Variants in OPA1 observed in about 807,000 individuals in gnomAD.
OPA1 encodes dynamin-like GTPase OPA1, mitochondrial.
In OPA1, 59 loss-of-function variants were observed where a neutral mutation model predicts 152.9. The ratio of observed to expected loss-of-function variants is 0.39; its 90% CI spans 0.31 to 0.48. OPA1 has a LOEUF of 0.48. Ranked by LOEUF, OPA1 falls within the 20% of genes least tolerant of loss-of-function variation. The pLI is 0.96. For synonymous variants in OPA1, 400 were observed against 389.9 expected, an observed-to-expected ratio of 1.03 and a Z score of -0.31; for missense variants, 1,008 against 1,216.8, an observed-to-expected ratio of 0.83 and a Z score of 2.55.
intron 29 of OPA1, among the ~76,000 whole-genome samples, chr3:193,674,839 C>T (rs896779941): frequency 1.3e-5 from 2 of 150,772 alleles, no homozygotes; most frequent in African/African-American, 2.5e-5. Context: ...TTATTGTACT[C>T]GGAATTTGGA....
chr3:193,604,870 A>C (rs1284127027), intron 1 of OPA1, among the ~76,000 whole-genome samples: 1 of 100,778 alleles, frequency 9.9e-6, no homozygotes, highest in Non-Finnish European at 2.0e-5. Context: ...CAAAAAAAAA[A>C]AAAAAGAAAA....
rs1719545164 is a variant in OPA1 at position 193,678,430 on chromosome 3, A to T, written c.2983+11150A>T. ...ATAATTGCCACCACCCAGAGATTGCACTGTAGTTTAAGACACTTTTGAATG... is the reference window on the plus strand; with the variant it reads ...ATAATTGCCACCACCCAGAGATTGCTCTGTAGTTTAAGACACTTTTGAATG... On this transcript the variant is annotated intron_variant, in intron 29 of 30. Transcript: ENST00000361510. Among the ~76,000 whole-genome samples the T allele has an allele frequency of 2.0e-5, 3 of 152,134 alleles. 1 individual carries two copies. The highest frequency in any genetic ancestry group is 2.9e-5 in the Non-Finnish European group (2 of 68,014).
chr3:193,622,226 C>CTTTTTTTTTTTTT (rs758993120), intron 6 of OPA1, among the ~76,000 whole-genome samples: 6 of 107,916 alleles, frequency 5.6e-5, no homozygotes, highest in Non-Finnish European at 8.7e-5. Context: ...TACTCTCATT[C>CTTTTTTTTTTTTT]TTTTTTTTTT....
intron 21 of OPA1, among the ~76,000 whole-genome samples, chr3:193,653,825 A>T (rs1713113899): frequency 6.6e-6 from 1 of 152,176 alleles, no homozygotes; most frequent in Admixed American, 6.5e-5. Context: ...ATTATTAGTC[A>T]TTAGAGAAAT....
rs908121324 is a variant in OPA1 at position 193,593,434 on chromosome 3, C to G, written c.32+25C>G. The G allele has an allele frequency of 2.6e-6, 4 of 1,517,256 alleles. No homozygotes were observed. The African/African-American group carries it at 4.2e-5, about 16-fold the overall frequency. 94.0% of individuals were successfully genotyped at this position (1,517,256 alleles called of 1,614,324 possible). On this transcript the variant is annotated intron_variant, in intron 1 of 30. Transcript: ENST00000361510. ...GGTAAGTGCAGGCTCTAATCTGGCC[C>G]CGTTAATTCTGGGGCCTCTTGAGAG... is the stretch of plus-strand genomic sequence containing the variant.
chr3:193,621,962 A>G (rs1031756825), intron 6 of OPA1, among the ~76,000 whole-genome samples: 2 of 152,154 alleles, frequency 1.3e-5, no homozygotes, highest in Non-Finnish European at 2.9e-5. Flanking sequence ...CTGTAAGATT[A>G]TTGTGTTCCA....
rs144709060 is a variant in OPA1 at position 193,630,976 on chromosome 3, A to G, written c.790-636A>G. 5.3e-3 allele frequency among the ~76,000 whole-genome samples: 809 copies of G among 152,246 alleles called. 21 individuals are homozygous for G. Among genetic ancestry groups the G allele is most frequent in the Admixed American group, 0.047 (717 of 15,300 alleles). On this transcript the variant is annotated intron_variant, in intron 7 of 30. Coordinates refer to ENST00000361510, the MANE Select transcript of OPA1 (RefSeq NM_130837.3). ...AATTTTAGTTGCTTTACTTGGCTTC[A>G]TTGCTATGGATGCATTCTCTGTGTT... is the stretch of plus-strand genomic sequence containing the variant.
At chr3:193,688,202 T>G (rs377169585) in intron 29 of OPA1, among the ~76,000 whole-genome samples, 9 of 152,280 alleles carry the variant, frequency 5.9e-5, no homozygotes, top group African/African-American at 2.2e-4. Context: ...TATCATTGAT[T>G]GACCGTACGC....
At chr3:193,674,638 G>T (rs1171415335) in intron 29 of OPA1, among the ~76,000 whole-genome samples, 3 of 152,172 alleles carry the variant, frequency 2.0e-5, no homozygotes, top group African/African-American at 7.2e-5. Flanking sequence ...TAGCTAAATA[G>T]AACCCTGAGG....
chr3:193,605,514 A>G (rs1727118873), intron 1 of OPA1, among the ~76,000 whole-genome samples: 1 of 152,328 alleles, frequency 6.6e-6, no homozygotes, highest in South Asian at 2.1e-4. Flanking sequence ...TATAGGTTCT[A>G]CACTTTTAAT....
intron 1 of OPA1, among the ~76,000 whole-genome samples, chr3:193,596,090 C>A (rs977174623): frequency 1.3e-5 from 2 of 151,986 alleles, no homozygotes; most frequent in Non-Finnish European, 2.9e-5. Flanking sequence ...CCCAGTAGAT[C>A]CTTTTGTTCA....
At chr3:193,617,351 ATTTG>A (rs1265743112) in intron 4 of OPA1, 66 bp downstream of exon 4, 9 of 890,504 alleles carry the variant, frequency 1.0e-5, no homozygotes, top group African/African-American at 1.7e-5. Flanking sequence ...TACATGGATT[ATTTG>A]TTTATTCCCA....
intron 29 of OPA1, 117 bp downstream of exon 29, chr3:193,667,397 A>T (rs1473083684): frequency 2.8e-6 from 2 of 722,094 alleles, no homozygotes; most frequent in Non-Finnish European, 5.1e-6. Flanking sequence ...TGGGCTGAGC[A>T]CGGTGGCTCA....
intron 30 of OPA1, among the ~76,000 whole-genome samples, chr3:193,694,099 G>A (rs929616997): frequency 1.6e-4 from 24 of 152,180 alleles, no homozygotes; most frequent in African/African-American, 5.1e-4. Flanking sequence ...GCTGCTACCT[G>A]TCTAGTCTCT....
intron 1 of OPA1, among the ~76,000 whole-genome samples, chr3:193,609,382 G>A (rs920116395): frequency 5.9e-5 from 9 of 152,284 alleles, no homozygotes; most frequent in Middle Eastern, 3.4e-3. Context: ...CTCTTCTGGC[G>A]TGTAGAGTTT....
intron 21 of OPA1, among the ~76,000 whole-genome samples, chr3:193,654,135 T>A (rs1351896033): frequency 6.6e-6 from 1 of 152,180 alleles, no homozygotes; most frequent in African/African-American, 2.4e-5. Context: ...GGAAACAGCC[T>A]AAGGGTCTAT....
chr3:193,676,752 G>A (rs1007524650), intron 29 of OPA1, among the ~76,000 whole-genome samples: 5 of 152,186 alleles, frequency 3.3e-5, no homozygotes, highest in South Asian at 2.1e-4. Flanking sequence ...AGGCCAAGGT[G>A]GGCGGATCAC....
Position 193,635,446 on chromosome 3 carries a change from T to C in OPA1, c.872T>C (p.Leu291Ser). The C allele has an allele frequency of 6.2e-7, 1 of 1,605,864 alleles. No individual in the cohort carries two copies. The highest frequency in any genetic ancestry group is 8.5e-7 in the Non-Finnish European group (1 of 1,172,822). ...AAGTATCAGAGAATCTTGGAACGAT[T>C]AGAAAAGGAGAACAAAGAATTGAGA... ...QLKYQRILER[L>S]EKENKELRKL... Residue 291 changes from leucine to serine, a missense_variant, in exon 9 of 31, where the codon TTA becomes TCA. Coordinates refer to ENST00000361510, the MANE Select transcript of OPA1 (RefSeq NM_130837.3).
rs577168770 is a variant in OPA1, at chr3:193,667,226, GAGA to G, written c.2936_2938del (p.Lys979del). The G allele has an allele frequency of 1.3e-5, 21 of 1,609,488 alleles. No individual in the cohort carries two copies. Among genetic ancestry groups the G allele is most frequent in the Admixed American group, 5.0e-5 (3 of 60,004 alleles). The stretch of plus-strand genomic sequence containing the variant: ...ATTGGAAGATTTTGCTGAAGATGGT[GAGA>G]AGAAGATTAAATTGCTTACTGGTAA... On this transcript the variant is annotated inframe_deletion, in exon 29 of 31. Coordinates refer to ENST00000361510, the MANE Select transcript of OPA1 (RefSeq NM_130837.3).
Sources: gnomAD v4.1 joint callset for allele counts (sites outside exome capture counted in the v4.1 genomes callset) on GRCh38, gnomAD v4.1.1 for gene constraint, MANE v1.5 for transcripts, NCBI Gene and HGNC (gene_info 2026-07-23, HGNC 2026-07-21) for gene names.